Variants in ABCC6 observed in about 807,000 individuals in gnomAD.
ABCC6 encodes the protein ATP-binding cassette sub-family C member 6.
ABCC6 carries 126 observed loss-of-function variants against 169.5 expected under a neutral mutation model. The ratio of observed to expected loss-of-function variants is 0.74; its 90% CI spans 0.64 to 0.86. ABCC6 has a LOEUF of 0.86. ABCC6 is among the 40% of genes least tolerant of loss of function. The pLI is 0.00. For synonymous variants in ABCC6, 752 were observed against 814.7 expected (o/e 0.92, Z 1.31); for missense variants, 1,733 against 1,927.2 (o/e 0.90, Z 1.89).
chr16:16,204,628 G>A (rs997905178), intron 7 of ABCC6, among the ~76,000 whole-genome samples: 7 of 152,088 alleles, frequency 4.6e-5, no homozygotes, highest in African/African-American at 7.2e-5. Context: ...GGGGAGGCCC[G>A]AGGGCCCCTG....
chr16:16,170,047 C>T (rs920397968), intron 21 of ABCC6, among the ~76,000 whole-genome samples, 194 bp from the exon 22 acceptor site: 2 of 152,164 alleles, frequency 1.3e-5, no homozygotes, highest in South Asian at 2.1e-4. Flanking sequence ...GCCTTAGAAC[C>T]CCCATCTCCT....
chr16:16,183,051 G>T (rs969595606), intron 15 of ABCC6, 121 bp from the exon 16 acceptor site: 12 of 1,493,458 alleles, frequency 8.0e-6, no homozygotes, highest in Middle Eastern at 1.7e-4. Context: ...GGACCTGTGG[G>T]GCTGTTCTTT....
At chr16:16,175,414 C>G (rs924502417) in intron 20 of ABCC6, among the ~76,000 whole-genome samples, 1 of 152,202 alleles carries the variant, frequency 6.6e-6, no homozygotes, top group African/African-American at 2.4e-5. Context: ...CACAGTGAGC[C>G]CAGCTGTGTC....
intron 23 of ABCC6, among the ~76,000 whole-genome samples, 184 bp downstream of exon 23, chr16:16,165,439 C>T (rs888888742): frequency 6.6e-5 from 10 of 152,008 alleles, no homozygotes; most frequent in African/African-American, 2.4e-4. Context: ...TTGATGTGAA[C>T]ATTTAGAGAC....
intron 11 of ABCC6, among the ~76,000 whole-genome samples, chr16:16,192,329 G>C (rs958216727): frequency 6.6e-6 from 1 of 152,138 alleles, no homozygotes; most frequent in Admixed American, 6.5e-5. Flanking sequence ...GGCCACTGTG[G>C]GGTCTTTGGC....
chr16:16,193,097 G>A (rs938147866), intron 10 of ABCC6, among the ~76,000 whole-genome samples, 175 bp from the exon 11 acceptor site: 2 of 152,060 alleles, frequency 1.3e-5, no homozygotes, highest in African/African-American at 4.8e-5. Context: ...ATAGGAGGTC[G>A]GCACAAGATA....
chr16:16,170,377 G>C (rs2047021902), intron 21 of ABCC6, among the ~76,000 whole-genome samples: 1 of 152,080 alleles, frequency 6.6e-6, no homozygotes, highest in African/African-American at 2.4e-5. Context: ...TTGGATTACA[G>C]GTGTGAGCCA....
At chr16:16,151,661 T>G (rs1421929228) in intron 29 of ABCC6, among the ~76,000 whole-genome samples, 6 of 152,206 alleles carry the variant, frequency 3.9e-5, no homozygotes, top group Admixed American at 3.3e-4. Context: ...TTCCACCTTG[T>G]GCCAAACACA....
At chr16:16,191,855 C>T (rs949544300) in intron 11 of ABCC6, among the ~76,000 whole-genome samples, 1 of 151,962 alleles carries the variant, frequency 6.6e-6, no homozygotes, top group Non-Finnish European at 1.5e-5. Context: ...CAAACACTTA[C>T]TGAGAACCTT....
At position 16,150,564 on chromosome 16, in the gene ABCC6, G is replaced by A. The variant is rs2046357166; in HGVS notation, c.4403+14C>T. 3 of 1,605,220 alleles carry A rather than the reference G, an allele frequency of 1.9e-6. No individual in the cohort carries two copies. The highest frequency in any genetic ancestry group is 2.2e-5 in the East Asian group (1 of 44,636). Reference sequence around the variant, plus strand: ...CAGGGCTGCTGTGAGGTCAGGCCGGGGCGGGAGCCTTACCGGGCACAGTCC... The same window carrying A: ...CAGGGCTGCTGTGAGGTCAGGCCGGAGCGGGAGCCTTACCGGGCACAGTCC... On this transcript the variant is annotated intron_variant, in intron 30 of 30. Coordinates refer to ENST00000205557, the MANE Select transcript of ABCC6 (RefSeq NM_001171.6).
intron 12 of ABCC6, among the ~76,000 whole-genome samples, chr16:16,189,484 C>G (rs1443401197): frequency 6.7e-6 from 1 of 150,182 alleles, no homozygotes; most frequent in Non-Finnish European, 1.5e-5. Flanking sequence ...GTGGCATGAT[C>G]TCGGCTCACT....
At chr16:16,199,073 T>A (rs1198799100) in intron 9 of ABCC6, among the ~76,000 whole-genome samples, 11 of 144,894 alleles carry the variant, frequency 7.6e-5, no homozygotes, top group Admixed American at 2.8e-4. Context: ...GAGGCTGAGG[T>A]GGGAGGATTA....
At chr16:16,194,238 T>C (rs916263264) in intron 10 of ABCC6, among the ~76,000 whole-genome samples, 3 of 152,246 alleles carry the variant, frequency 2.0e-5, no homozygotes, top group Non-Finnish European at 4.4e-5. Context: ...TCTTATTGCG[T>C]TTAATTATTT....
At chr16:16,191,223 C>T (rs1263881064) in intron 11 of ABCC6, among the ~76,000 whole-genome samples, 2 of 152,116 alleles carry the variant, frequency 1.3e-5, no homozygotes, top group African/African-American at 4.8e-5. Flanking sequence ...TCAAGCGATT[C>T]TCCTGCCTGA....
chr16:16,203,680 G>T, intron 7 of ABCC6, 67 bp from the exon 8 acceptor site: 1 of 1,573,098 alleles, frequency 6.4e-7, no homozygotes, highest in Non-Finnish European at 8.7e-7. Context: ...GGCAGGGCCA[G>T]GCATTAAAGG....
chr16:16,173,696 C>CTTTT (rs763177730), intron 20 of ABCC6, among the ~76,000 whole-genome samples: 1 of 139,262 alleles, frequency 7.2e-6, no homozygotes, highest in Non-Finnish European at 1.6e-5. Flanking sequence ...TCAGAATTTT[C>CTTTT]TTTTTTTTTT....
chr16:16,198,072 C>T lies in ABCC6; in HGVS notation c.1287G>A (p.Gly429=). The T allele has an allele frequency of 1.2e-6, 2 of 1,614,122 alleles. No homozygotes were observed. Among genetic ancestry groups the T allele is most frequent in the Non-Finnish European group, 1.7e-6 (2 of 1,180,028 alleles). ...CGATCCAGACGAGAGGCAGCCACAG[C>T]CCGTTGAGGTAGAGGACGCTCTCGG... ...RLTESVLYLN[G]LWLPLVWIVV... Residue 429 remains glycine (G), a synonymous_variant, in exon 10 of 31, where the codon GGG becomes GGA. Coordinates refer to ENST00000205557, the MANE Select transcript of ABCC6 (RefSeq NM_001171.6).
At chr16:16,157,835 A>G (rs751967992) in intron 26 of ABCC6, 26 bp from the exon 27 acceptor site, 3 of 1,602,952 alleles carry the variant, frequency 1.9e-6, no homozygotes, top group Non-Finnish European at 2.5e-6. Context: ...AAACTGAGTC[A>G]GAGGAGCCTT....
At chr16:16,166,765 C>T (rs1475584160) in intron 22 of ABCC6, among the ~76,000 whole-genome samples, 18 of 152,080 alleles carry the variant, frequency 1.2e-4, no homozygotes, top group Non-Finnish European at 2.5e-4. Context: ...GTGGCAGGCA[C>T]CTGTAGTCCT....
Sources: gnomAD v4.1 joint callset for allele counts (sites outside exome capture counted in the v4.1 genomes callset) on GRCh38, gnomAD v4.1.1 for gene constraint, MANE v1.5 for transcripts, NCBI Gene and HGNC (gene_info 2026-07-23, HGNC 2026-07-21) for gene names.